Variants in FHIT observed in about 807,000 individuals in gnomAD.
The protein encoded by FHIT is bis(5'-adenosyl)-triphosphatase.
In FHIT, 19 loss-of-function variants were observed where a neutral mutation model predicts 17.9. The ratio of observed to expected loss-of-function variants is 1.06; its 90% confidence interval spans 0.74 to 1.56. The LOEUF (loss-of-function observed/expected upper bound fraction) is 1.56. FHIT is among the 40% of genes most tolerant of loss of function. FHIT has a pLI of 0.00. For missense variants in FHIT, 248 were observed against 189.2 expected, an observed-to-expected ratio of 1.31 and a Z score of -1.82; for synonymous variants, 81 against 69.7, an observed-to-expected ratio of 1.16 and a Z score of -0.81.
At chr3:60,348,502 G>C (rs1371188469) in intron 5 of FHIT, among the ~76,000 whole-genome samples, 1 of 151,912 alleles carries the variant, frequency 6.6e-6, no homozygotes, top group African/African-American at 2.4e-5. Flanking sequence ...TAAAGGAATA[G>C]AGATTGCCAT....
rs1208169320 is a variant in FHIT, at chr3:61,070,842, T to TATC, written c.-163-28744_-163-28743insGAT. On this transcript the variant is annotated intron_variant, in intron 2 of 9. Transcript: ENST00000492590. ...TGTTCTATCATTTAATTCATGATGCTGTTTATCTTGGCTGCAAGAGAGTGA... is the reference window on the plus strand; with the variant it reads ...TGTTCTATCATTTAATTCATGATGCTATCGTTTATCTTGGCTGCAAGAGAGTGA... 2.0e-5 allele frequency among the ~76,000 whole-genome samples: 3 copies of TATC among 152,214 alleles called. No homozygotes were observed. In the East Asian group the frequency reaches 5.8e-4, roughly 29 times the overall value.
intron 8 of FHIT, among the ~76,000 whole-genome samples, chr3:59,812,172 A>T (rs1046968404): frequency 3.9e-5 from 6 of 152,182 alleles, no homozygotes; most frequent in Admixed American, 3.9e-4. Flanking sequence ...AGCCATGCAC[A>T]CGACAGTCAC....
intron 7 of FHIT, among the ~76,000 whole-genome samples, chr3:59,943,711 T>A (rs567273903): frequency 3.9e-5 from 6 of 152,262 alleles, no homozygotes; most frequent in African/African-American, 1.4e-4. Flanking sequence ...CCATGGAAAT[T>A]CTTCTATACC....
chr3:59,868,726 G>A (rs1451118919), intron 8 of FHIT, among the ~76,000 whole-genome samples: 1 of 152,212 alleles, frequency 6.6e-6, no homozygotes, highest in Non-Finnish European at 1.5e-5. Context: ...GTATTGGGCT[G>A]ACTTCCTGTT....
At chr3:60,569,976 G>A (rs2037318507) in intron 4 of FHIT, among the ~76,000 whole-genome samples, 1 of 151,484 alleles carries the variant, frequency 6.6e-6, no homozygotes, top group South Asian at 2.1e-4. Flanking sequence ...TTTACCCAGT[G>A]GTACAATCAT....
chr3:60,032,289 A>G (rs1701032967), intron 5 of FHIT, among the ~76,000 whole-genome samples: 1 of 151,980 alleles, frequency 6.6e-6, no homozygotes, highest in African/African-American at 2.4e-5. Flanking sequence ...GTGAGACCCC[A>G]TATCTAAAAA....
At chr3:60,351,533 G>A (rs1292634617) in intron 5 of FHIT, among the ~76,000 whole-genome samples, 1 of 152,144 alleles carries the variant, frequency 6.6e-6, no homozygotes, top group Non-Finnish European at 1.5e-5. Flanking sequence ...TATGGTGAAG[G>A]AGTTATTACC....
intron 3 of FHIT, among the ~76,000 whole-genome samples, chr3:60,947,550 G>A (rs1195235105): frequency 6.6e-6 from 1 of 152,164 alleles, no homozygotes; most frequent in East Asian, 1.9e-4. Flanking sequence ...TATCCCAAAT[G>A]AAGTAAAAGT....
At chr3:60,569,749 A>ATTTT (rs1553654729) in intron 4 of FHIT, among the ~76,000 whole-genome samples, 1 of 62,786 alleles carries the variant, frequency 1.6e-5, no homozygotes, top group African/African-American at 6.2e-5. Flanking sequence ...ATATATATAT[A>ATTTT]TATATATTTT....
chr3:60,709,515 G>C (rs903108729), intron 4 of FHIT, among the ~76,000 whole-genome samples: 1 of 152,112 alleles, frequency 6.6e-6, no homozygotes, highest in Non-Finnish European at 1.5e-5. Context: ...TTAGTGCTCT[G>C]TTATGTGAAA....
intron 3 of FHIT, among the ~76,000 whole-genome samples, chr3:60,825,829 T>C (rs540813268): frequency 1.2e-3 from 182 of 152,244 alleles, no homozygotes; most frequent in African/African-American, 4.1e-3. Flanking sequence ...TACACATATA[T>C]GTATGTAAAA....
chr3:61,183,054 C>T (rs1177684041), intron 2 of FHIT, among the ~76,000 whole-genome samples: 1 of 152,214 alleles, frequency 6.6e-6, no homozygotes, highest in Non-Finnish European at 1.5e-5. Flanking sequence ...TTCTGGAATA[C>T]TAACTGGGAT....
intron 8 of FHIT, among the ~76,000 whole-genome samples, chr3:59,867,595 C>T (rs1702712899): frequency 6.6e-6 from 1 of 151,992 alleles, no homozygotes; most frequent in Non-Finnish European, 1.5e-5. Context: ...CTATCCTCCC[C>T]TTTTTCTGCT....
intron 3 of FHIT, among the ~76,000 whole-genome samples, chr3:60,911,097 T>C (rs1706717976): frequency 6.6e-6 from 1 of 152,222 alleles, no homozygotes; most frequent in Admixed American, 6.5e-5. Context: ...ATTTTGTTTT[T>C]GTCCGCATTT....
intron 4 of FHIT, among the ~76,000 whole-genome samples, chr3:60,605,446 A>G (rs2038578837): frequency 6.6e-6 from 1 of 152,194 alleles, no homozygotes; most frequent in African/African-American, 2.4e-5. Flanking sequence ...GCTTAGGACA[A>G]AGAAGTGTAC....
chr3:60,784,246 C>T (rs1307576795), intron 4 of FHIT, among the ~76,000 whole-genome samples: 1 of 152,166 alleles, frequency 6.6e-6, no homozygotes, highest in Admixed American at 6.5e-5. Context: ...TGGGAGCAAC[C>T]TGTAAGAGGC....
At chr3:60,609,661 T>C (rs1001134410) in intron 4 of FHIT, among the ~76,000 whole-genome samples, 21 of 152,128 alleles carry the variant, frequency 1.4e-4, no homozygotes, top group Non-Finnish European at 1.9e-4. Flanking sequence ...GCATTCTTCA[T>C]TGTTTTATTC....
intron 5 of FHIT, among the ~76,000 whole-genome samples, chr3:60,269,672 C>T (rs531543610): frequency 1.3e-5 from 2 of 152,314 alleles, no homozygotes; most frequent in Admixed American, 1.3e-4. Context: ...TTAAAATATC[C>T]TAGCATTGAG....
intron 3 of FHIT, among the ~76,000 whole-genome samples, chr3:60,830,027 C>T (rs941128076): frequency 6.6e-6 from 1 of 152,082 alleles, no homozygotes; most frequent in Non-Finnish European, 1.5e-5. Context: ...GCATAACAAA[C>T]CTTACTCATG....
Sources: allele counts gnomAD v4.1 joint callset (sites outside exome capture counted in the v4.1 genomes callset), GRCh38; gene constraint gnomAD v4.1.1; transcripts MANE v1.5; gene names NCBI Gene and HGNC (gene_info 2026-07-23, HGNC 2026-07-21).